Variants in GPC6 observed in about 807,000 individuals in gnomAD.
The protein encoded by GPC6 is glypican-6.
A neutral mutation model predicts 55.2 loss-of-function variants in GPC6; 14 were observed. The observed-to-expected ratio is 0.25, with a 90% CI of 0.17 to 0.40. The LOEUF (loss-of-function observed/expected upper bound fraction) is 0.40, where lower values mean the gene tolerates loss of function less well. GPC6 is among the 10% of genes least tolerant of loss of function. The pLI, the probability that GPC6 is intolerant of heterozygous loss-of-function variation, is 1.00. For missense variants in GPC6, 641 were observed against 708.5 expected, an observed-to-expected ratio of 0.90 and a Z score of 1.08; for synonymous variants, 278 against 259.6, an observed-to-expected ratio of 1.07 and a Z score of -0.68.
intron 1 of GPC6, among the ~76,000 whole-genome samples, chr13:93,352,857 G>A (rs1475260498): frequency 6.6e-6 from 1 of 152,128 alleles, no homozygotes; most frequent in Non-Finnish European, 1.5e-5. Flanking sequence ...TAGACTTGGT[G>A]AGGACAGAGT....
intron 3 of GPC6, among the ~76,000 whole-genome samples, chr13:94,026,584 A>G (rs933034607): frequency 1.1e-4 from 17 of 152,152 alleles, no homozygotes; most frequent in African/African-American, 4.1e-4. Flanking sequence ...AGTCATGAAT[A>G]AGAGTAGTTT....
At chr13:93,715,686 G>T (rs1040946561) in intron 2 of GPC6, among the ~76,000 whole-genome samples, 41 of 151,724 alleles carry the variant, frequency 2.7e-4, no homozygotes, top group African/African-American at 8.4e-4. Context: ...TAGTTTAATT[G>T]TAAGCTATGC....
chr13:94,043,129 C>T (rs915589030), intron 4 of GPC6, among the ~76,000 whole-genome samples: 1 of 151,580 alleles, frequency 6.6e-6, no homozygotes. Context: ...CAAGATATAC[C>T]AGGATCATTT....
intron 3 of GPC6, among the ~76,000 whole-genome samples, chr13:93,893,446 A>G (rs1296258902): frequency 6.6e-6 from 1 of 152,150 alleles, no homozygotes; most frequent in African/African-American, 2.4e-5. Context: ...AGAAATATCT[A>G]AAACAATCTA....
chr13:93,837,713 A>G (rs1242480010), intron 3 of GPC6, among the ~76,000 whole-genome samples: 3 of 152,206 alleles, frequency 2.0e-5, no homozygotes, highest in African/African-American at 4.8e-5. Flanking sequence ...AACATTTATT[A>G]TGCAATAAAT....
chr13:94,233,271 C>G (rs1890785884), intron 4 of GPC6, among the ~76,000 whole-genome samples: 1 of 151,804 alleles, frequency 6.6e-6, no homozygotes. Context: ...TAAAAACAAA[C>G]AAACAACAAT....
intron 1 of GPC6, among the ~76,000 whole-genome samples, chr13:93,399,061 G>GACACACACACACAC (rs35212206): frequency 1.3e-5 from 2 of 150,650 alleles, no homozygotes. Context: ...CACACACACA[G>GACACACACACACAC]ACACACACAC....
At position 94,167,188 on chromosome 13, in the gene GPC6, A is replaced by G. The variant is rs1290443909; in HGVS notation, c.878-119161A>G. 3.3e-5 allele frequency among the ~76,000 whole-genome samples: 5 copies of G among 152,160 alleles called. No homozygotes were observed. The East Asian group carries it at 9.6e-4, about 29-fold the overall frequency. ...AATTTGGTTCATTTAATTTCTGACAACTTATGGTCCAAAGTATTTAGAATA... is the reference window on the plus strand; with the variant it reads ...AATTTGGTTCATTTAATTTCTGACAGCTTATGGTCCAAAGTATTTAGAATA... On this transcript the variant is annotated intron_variant, in intron 4 of 8. Transcript: ENST00000377047.
chr13:94,288,428 C>T (rs1258732771), intron 5 of GPC6, among the ~76,000 whole-genome samples: 3 of 151,980 alleles, frequency 2.0e-5, no homozygotes, highest in African/African-American at 7.3e-5. Context: ...CCACCTCCCT[C>T]CATGTCCCCA....
At chr13:93,993,880 A>G (rs115572707) in intron 3 of GPC6, among the ~76,000 whole-genome samples, 1 of 152,222 alleles carries the variant, frequency 6.6e-6, no homozygotes, top group Admixed American at 6.5e-5. Flanking sequence ...TGTACAAAAA[A>G]GTACAGGAAA....
At chr13:93,610,205 A>G (rs1288648162) in intron 2 of GPC6, among the ~76,000 whole-genome samples, 3 of 152,196 alleles carry the variant, frequency 2.0e-5, no homozygotes, top group Non-Finnish European at 2.9e-5. Flanking sequence ...CGTAAGTTTC[A>G]ATTTTAACTA....
intron 6 of GPC6, among the ~76,000 whole-genome samples, chr13:94,345,753 CA>C (rs1447518468): frequency 6.6e-6 from 1 of 152,154 alleles, no homozygotes; most frequent in Non-Finnish European, 1.5e-5. Flanking sequence ...TTGTTGGTAT[CA>C]TTATTATTTT....
intron 4 of GPC6, among the ~76,000 whole-genome samples, chr13:94,076,223 G>A (rs1355662844): frequency 6.6e-6 from 1 of 151,638 alleles, no homozygotes; most frequent in African/African-American, 2.4e-5. Flanking sequence ...TAGTGATGTT[G>A]AGCATTATTT....
At chr13:93,847,872 T>G (rs2139007629) in intron 3 of GPC6, among the ~76,000 whole-genome samples, 1 of 152,284 alleles carries the variant, frequency 6.6e-6, no homozygotes, top group African/African-American at 2.4e-5. Context: ...TACACACAAC[T>G]TTCTCCTGGG....
intron 1 of GPC6, among the ~76,000 whole-genome samples, chr13:93,457,678 T>G (rs998127003): frequency 1.3e-5 from 2 of 152,166 alleles, no homozygotes; most frequent in African/African-American, 4.8e-5. Context: ...ATGCATGTCT[T>G]GTACTAAAAT....
intron 2 of GPC6, among the ~76,000 whole-genome samples, chr13:93,610,758 G>A (rs1878426744): frequency 1.3e-5 from 2 of 151,944 alleles, no homozygotes; most frequent in South Asian, 4.1e-4. Context: ...CTTGGCTATG[G>A]ATAATGCACT....
intron 6 of GPC6, among the ~76,000 whole-genome samples, chr13:94,328,805 C>T (rs1444727732): frequency 6.6e-6 from 1 of 152,224 alleles, no homozygotes; most frequent in East Asian, 1.9e-4. Context: ...GAGATGCTGG[C>T]TGGGGAGCCC....
chr13:93,374,355 A>G (rs1321482023), intron 1 of GPC6, among the ~76,000 whole-genome samples: 1 of 152,170 alleles, frequency 6.6e-6, no homozygotes, highest in Non-Finnish European at 1.5e-5. Flanking sequence ...ATGTTCAAAC[A>G]CAGGCCCCCA....
chr13:94,026,605 C>T (rs533276521), intron 3 of GPC6, among the ~76,000 whole-genome samples: 43 of 152,048 alleles, frequency 2.8e-4, no homozygotes, highest in Non-Finnish European at 5.1e-4. Flanking sequence ...TCTGTATTTG[C>T]TTTCTAATTT....
Sources: gnomAD v4.1 joint callset for allele counts (sites outside exome capture counted in the v4.1 genomes callset) on GRCh38, gnomAD v4.1.1 for gene constraint, MANE v1.5 for transcripts, NCBI Gene and HGNC (gene_info 2026-07-23, HGNC 2026-07-21) for gene names.